CSMD1: variants seen among roughly 807,000 people sequenced by gnomAD.
The protein encoded by CSMD1 is CUB and sushi domain-containing protein 1.
In CSMD1, 213 loss-of-function variants were observed where a neutral mutation model predicts 417.5. That is an observed-to-expected ratio of 0.51 (90% CI 0.46 to 0.57). The LOEUF (loss-of-function observed/expected upper bound fraction) is 0.57. CSMD1 is among the 20% of genes least tolerant of loss of function. The pLI, the probability that CSMD1 is intolerant of heterozygous loss-of-function variation, is 0.00. For missense variants in CSMD1, 6,923 were observed against 4,529.7 expected, an observed-to-expected ratio of 1.53 and a Z score of -15.17; for synonymous variants, 2,862 against 1,736.8, an observed-to-expected ratio of 1.65 and a Z score of -16.11.
intron 5 of CSMD1, among the ~76,000 whole-genome samples, chr8:3,876,343 G>C (rs73493831): frequency 0.064 from 9,696 of 152,190 alleles, 480 homozygotes; most frequent in African/African-American, 0.14. Context: ...GATGACTGTT[G>C]TGTTAGTTTT....
intron 7 of CSMD1, among the ~76,000 whole-genome samples, chr8:3,625,322 T>C (rs1404225967): frequency 6.6e-6 from 1 of 152,192 alleles, no homozygotes; most frequent in Non-Finnish European, 1.5e-5. Flanking sequence ...CTCATACTAA[T>C]GGATCTCCAA....
chr8:4,154,008 C>A (rs76946142), intron 3 of CSMD1, among the ~76,000 whole-genome samples: 2,098 of 152,264 alleles, frequency 0.014, 30 homozygotes, highest in Non-Finnish European at 0.024. Context: ...GCTTTCCATC[C>A]TCATTTTGCA....
intron 2 of CSMD1, among the ~76,000 whole-genome samples, chr8:4,592,434 T>A (rs1800039176): frequency 6.6e-6 from 1 of 152,094 alleles, no homozygotes; most frequent in Non-Finnish European, 1.5e-5. Flanking sequence ...TCTCCCAGGC[T>A]GGAGTGCAGT....
intron 10 of CSMD1, among the ~76,000 whole-genome samples, chr8:3,495,187 C>G (rs576040780): frequency 6.6e-6 from 1 of 152,126 alleles, no homozygotes; most frequent in Non-Finnish European, 1.5e-5. Flanking sequence ...AAACGTAGCA[C>G]CTGATATTTT....
intron 6 of CSMD1, among the ~76,000 whole-genome samples, chr8:3,738,075 C>T (rs939851180): frequency 6.6e-6 from 1 of 152,152 alleles, no homozygotes; most frequent in Non-Finnish European, 1.5e-5. Context: ...TAAATGATTA[C>T]TATAGTCTCT....
intron 2 of CSMD1, among the ~76,000 whole-genome samples, chr8:4,483,934 G>T (rs1481867845): frequency 1.3e-5 from 2 of 152,142 alleles, no homozygotes; most frequent in Admixed American, 6.5e-5. Context: ...TCACTTTGTT[G>T]TATAATGTCG....
At chr8:4,810,940 G>A (rs774164013) in intron 1 of CSMD1, among the ~76,000 whole-genome samples, 17 of 152,180 alleles carry the variant, frequency 1.1e-4, no homozygotes, top group Admixed American at 5.9e-4. Flanking sequence ...ATTAAAGAAT[G>A]GCATAAAATA....
chr8:3,547,995 C>T (rs1316628808), intron 10 of CSMD1, among the ~76,000 whole-genome samples: 1 of 151,940 alleles, frequency 6.6e-6, no homozygotes, highest in Non-Finnish European at 1.5e-5. Flanking sequence ...AAAAAAATAA[C>T]TAAAAGAAAG....
At chr8:4,501,128 C>T (rs1171219447) in intron 2 of CSMD1, among the ~76,000 whole-genome samples, 2 of 152,042 alleles carry the variant, frequency 1.3e-5, no homozygotes, top group South Asian at 2.1e-4. Context: ...TATCATGACA[C>T]ATAATGATAT....
intron 3 of CSMD1, among the ~76,000 whole-genome samples, chr8:4,241,366 A>C (rs1802386675): frequency 6.6e-6 from 1 of 152,190 alleles, no homozygotes; most frequent in Admixed American, 6.5e-5. Context: ...TTCGAGTAGC[A>C]GGTCCTCAGG....
At chr8:3,000,385 C>T (rs1313919352) in intron 52 of CSMD1, among the ~76,000 whole-genome samples, 1 of 151,280 alleles carries the variant, frequency 6.6e-6, no homozygotes, top group Admixed American at 6.6e-5. Context: ...ATTTTCCCAT[C>T]TATCCATTTC....
At chr8:4,294,017 A>T (rs570754265) in intron 3 of CSMD1, among the ~76,000 whole-genome samples, 1 of 152,342 alleles carries the variant, frequency 6.6e-6, no homozygotes, top group South Asian at 2.1e-4. Flanking sequence ...TTAGGATAAG[A>T]ATCAGGACTT....
chr8:4,096,711 A>G (rs561248871), intron 3 of CSMD1, among the ~76,000 whole-genome samples: 4 of 152,356 alleles, frequency 2.6e-5, no homozygotes, highest in South Asian at 2.1e-4. Flanking sequence ...TCACTAATCC[A>G]TAGGTAATCA....
intron 3 of CSMD1, among the ~76,000 whole-genome samples, chr8:4,412,122 C>T (rs1445876775): frequency 6.6e-6 from 1 of 151,904 alleles, no homozygotes; most frequent in African/African-American, 2.4e-5. Context: ...TGTGTTTAGC[C>T]AGGGCAAATG....
intron 1 of CSMD1, among the ~76,000 whole-genome samples, chr8:4,937,473 T>G (rs938625958): frequency 1.3e-5 from 2 of 152,184 alleles, no homozygotes; most frequent in African/African-American, 4.8e-5. Context: ...TATTTTCTTA[T>G]GTGTTGGATG....
At chr8:3,555,715 A>G (rs1226548920) in intron 10 of CSMD1, among the ~76,000 whole-genome samples, 2 of 152,196 alleles carry the variant, frequency 1.3e-5, no homozygotes, top group African/African-American at 4.8e-5. Context: ...TGTCTATCAT[A>G]TTTGAGTTTT....
intron 2 of CSMD1, among the ~76,000 whole-genome samples, chr8:4,471,657 C>G (rs1353908321): frequency 1.3e-5 from 2 of 152,118 alleles, no homozygotes; most frequent in African/African-American, 4.8e-5. Flanking sequence ...ACTGGGAATG[C>G]TCACCCTGGT....
chr8:3,881,293 T>C (rs1325741828), intron 5 of CSMD1, among the ~76,000 whole-genome samples: 4 of 149,654 alleles, frequency 2.7e-5, no homozygotes, highest in African/African-American at 9.8e-5. Context: ...CATAAGCCAA[T>C]TCTAATATTT....
At chr8:3,789,606 T>A (rs17067561) in intron 5 of CSMD1, among the ~76,000 whole-genome samples, 1 of 151,824 alleles carries the variant, frequency 6.6e-6, no homozygotes, top group Admixed American at 6.6e-5. Flanking sequence ...AGATACTGAA[T>A]AATTCTTTTA....
Sources: gnomAD v4.1 joint callset for allele counts (sites outside exome capture counted in the v4.1 genomes callset) on GRCh38, gnomAD v4.1.1 for gene constraint, MANE v1.5 for transcripts, NCBI Gene and HGNC (gene_info 2026-07-23, HGNC 2026-07-21) for gene names.